SNRPA1: variants seen among roughly 807,000 people sequenced by gnomAD.
SNRPA1 encodes the protein small nuclear ribonucleoprotein polypeptide A'.
Under a neutral mutation model 32.3 loss-of-function variants are expected in SNRPA1, and 5 were observed. That is an observed-to-expected ratio of 0.15 (90% confidence interval 0.08 to 0.33). The LOEUF (loss-of-function observed/expected upper bound fraction) is 0.33, where lower values mean the gene tolerates loss of function less well. Ranked by LOEUF, SNRPA1 falls within the 10% of genes least tolerant of loss-of-function variation. The pLI is 1.00. For missense variants in SNRPA1, 198 were observed against 311.1 expected, an observed-to-expected ratio of 0.64 and a Z score of 2.74; for synonymous variants, 111 against 120.1, an observed-to-expected ratio of 0.92 and a Z score of 0.50.
chr15:101,294,078 A>C (rs960643204), intron 1 of SNRPA1, among the ~76,000 whole-genome samples: 2 of 152,166 alleles, frequency 1.3e-5, no homozygotes, highest in African/African-American at 4.8e-5. Flanking sequence ...TACTAAAAAT[A>C]CAAAAAATTA....
chr15:101,292,853 G>C (rs964755167), intron 2 of SNRPA1, 172 bp downstream of exon 2: 7 of 420,138 alleles, frequency 1.7e-5, no homozygotes, highest in Non-Finnish European at 3.0e-5. Flanking sequence ...AACATGTATT[G>C]AATGTGGCTT....
intron 2 of SNRPA1, chr15:101,292,746 A>G (rs1393631264): frequency 4.5e-6 from 1 of 220,716 alleles, no homozygotes; most frequent in Non-Finnish European, 8.8e-6. Flanking sequence ...ATAAAAATAC[A>G]TGATTTCTGA....
intron 6 of SNRPA1, 100 bp downstream of exon 6, chr15:101,286,114 G>A: frequency 2.1e-6 from 2 of 930,794 alleles, no homozygotes; most frequent in Non-Finnish European, 3.3e-6. Context: ...ACATTAATAT[G>A]TCAGAGTTTT....
chr15:101,286,441 C>T, intron 5 of SNRPA1, 148 bp from the exon 6 acceptor site: 1 of 599,888 alleles, frequency 1.7e-6, no homozygotes, highest in Non-Finnish European at 2.8e-6. Context: ...AGAGAAGACA[C>T]AGTGGTCTTC....
chr15:101,292,616 C>T (rs2039538600), intron 2 of SNRPA1, among the ~76,000 whole-genome samples: 1 of 150,796 alleles, frequency 6.6e-6, no homozygotes, highest in African/African-American at 2.4e-5. Flanking sequence ...CAGAGACGCT[C>T]AGTCAAAAGT....
chr15:101,294,754 C>A (rs1333475694), intron 1 of SNRPA1: 3 of 295,150 alleles, frequency 1.0e-5, no homozygotes, highest in Non-Finnish European at 1.9e-5. Context: ...CCTGCACTTG[C>A]GTTACAACCA....
At chr15:101,281,879 C>A in intron 8 of SNRPA1, 97 bp from the exon 9 acceptor site, 1 of 1,130,688 alleles carries the variant, frequency 8.8e-7, no homozygotes, top group Non-Finnish European at 1.3e-6. Context: ...TTGTTACACA[C>A]TGAAGTAGGT....
intron 3 of SNRPA1, among the ~76,000 whole-genome samples, chr15:101,288,707 T>C (rs1380942054): frequency 2.0e-5 from 3 of 152,188 alleles, no homozygotes; most frequent in Non-Finnish European, 2.9e-5. Flanking sequence ...CAACCCATGT[T>C]GAGAGCAACA....
intron 7 of SNRPA1, 116 bp downstream of exon 7, chr15:101,285,610 T>C (rs2039446087): frequency 7.1e-6 from 5 of 701,308 alleles, no homozygotes; most frequent in Non-Finnish European, 1.0e-5. Flanking sequence ...TATTGCTGTA[T>C]GCTAATAACT....
intron 8 of SNRPA1, among the ~76,000 whole-genome samples, chr15:101,282,541 C>T (rs956199354): frequency 2.0e-5 from 3 of 152,192 alleles, no homozygotes; most frequent in Non-Finnish European, 4.4e-5. Context: ...TGGTAGCTTC[C>T]TCAAGGTTAG....
chr15:101,295,209 A>T lies in SNRPA1; in HGVS notation c.-31T>A. The T allele has an allele frequency of 6.6e-7, 1 of 1,506,654 alleles. No individual in the cohort carries two copies. The highest frequency in any genetic ancestry group is 8.9e-7 in the Non-Finnish European group (1 of 1,128,752). 93.3% of individuals were successfully genotyped at this position (1,506,654 alleles called of 1,614,324 possible). A position where few individuals can be genotyped will look rare whatever the true frequency, so the allele number is the denominator to read the frequency against. ...AGCCTCCCGTTCCCCCGCGCTGTGG[A>T]AAGCCCGTGGCCTCCCGCCAGCGAG... On this transcript the variant is annotated 5_prime_UTR_variant, in exon 1 of 9. Coordinates refer to ENST00000254193, the MANE Select transcript of SNRPA1 (RefSeq NM_003090.4).
intron 8 of SNRPA1, among the ~76,000 whole-genome samples, chr15:101,284,522 G>C (rs1223564044): frequency 2.9e-5 from 2 of 68,036 alleles, no homozygotes; most frequent in African/African-American, 1.5e-4. Context: ...TTTTTTTTTT[G>C]AGCTGCAGTT....
intron 3 of SNRPA1, 61 bp downstream of exon 3, chr15:101,291,901 A>T (rs1017097740): frequency 2.0e-6 from 2 of 1,020,536 alleles, no homozygotes; most frequent in Non-Finnish European, 3.0e-6. Context: ...AATTTTCTGT[A>T]GGAAGCACAT....
intron 2 of SNRPA1, among the ~76,000 whole-genome samples, chr15:101,292,599 A>G (rs2039538186): frequency 6.6e-6 from 1 of 152,224 alleles, no homozygotes; most frequent in Non-Finnish European, 1.5e-5. Flanking sequence ...TTAAAAAAAA[A>G]AAAAAGCAGA....
intron 5 of SNRPA1, 79 bp from the exon 6 acceptor site, chr15:101,286,372 A>G: frequency 7.6e-7 from 1 of 1,310,626 alleles, no homozygotes; most frequent in East Asian, 2.3e-5. Flanking sequence ...AAGACATGGA[A>G]GCGAACTCTC....
intron 8 of SNRPA1, among the ~76,000 whole-genome samples, chr15:101,283,560 C>T (rs1009222706): frequency 8.6e-5 from 13 of 150,844 alleles, no homozygotes; most frequent in East Asian, 3.9e-4. Flanking sequence ...AGCGAGACTC[C>T]GTCTCAAAAC....
At position 101,285,050 on chromosome 15, in the gene SNRPA1, G is replaced by A; in HGVS notation, c.626C>T (p.Ala209Val). 1 of 1,613,380 alleles carries A rather than the reference G, an allele frequency of 6.2e-7. No homozygotes were observed. The highest frequency in any genetic ancestry group is 8.5e-7 in the Non-Finnish European group (1 of 1,179,382). Residue 209 changes from alanine to valine, a missense_variant, in exon 8 of 9, where the codon GCA (alanine) becomes GTA (valine). Coordinates refer to ENST00000254193, the MANE Select transcript of SNRPA1 (RefSeq NM_003090.4). The part of the protein sequence containing the change: ...GDVEAIKNAI[A>V]NASTLAEVER... ...CACTTCAGCCAGAGTTGAAGCATTTGCTATGGCATTCTGGAGGACAGAGGG... is the reference window on the plus strand; with the variant it reads ...CACTTCAGCCAGAGTTGAAGCATTTACTATGGCATTCTGGAGGACAGAGGG...
intron 8 of SNRPA1, 180 bp downstream of exon 8, chr15:101,284,787 C>A: frequency 1.9e-6 from 1 of 514,814 alleles, no homozygotes; most frequent in Non-Finnish European, 3.6e-6. Context: ...CAGGCGTGAG[C>A]CACTGCACCC....
At chr15:101,284,724 AC>A in intron 8 of SNRPA1, 1 of 337,408 alleles carries the variant, frequency 3.0e-6, no homozygotes. Flanking sequence ...CTGGTCTCGA[AC>A]TCCTGACCTC....
Sources: gnomAD v4.1 joint callset for allele counts (sites outside exome capture counted in the v4.1 genomes callset) on GRCh38, gnomAD v4.1.1 for gene constraint, MANE v1.5 for transcripts, NCBI Gene and HGNC (gene_info 2026-07-23, HGNC 2026-07-21) for gene names.